Variants in EFCAB14 observed in about 807,000 individuals in gnomAD.
EFCAB14 encodes the protein EF-hand calcium-binding domain-containing protein 14.
In EFCAB14, 43 loss-of-function variants were observed where a neutral mutation model predicts 56.5. The ratio of observed to expected loss-of-function variants is 0.76; its 90% CI spans 0.60 to 0.98. The LOEUF (loss-of-function observed/expected upper bound fraction) is 0.98, where lower values mean the gene tolerates loss of function less well. Ranked by LOEUF, EFCAB14 falls within the 50% of genes least tolerant of loss-of-function variation. EFCAB14 has a pLI of 0.00. For synonymous variants in EFCAB14, 235 were observed against 212.9 expected (o/e 1.10, Z -0.90); for missense variants, 538 against 580.3 (o/e 0.93, Z 0.75).
chr1:46,702,965 C>T (rs556655496), intron 3 of EFCAB14, among the ~76,000 whole-genome samples: 55 of 152,292 alleles, frequency 3.6e-4, no homozygotes, highest in African/African-American at 1.3e-3. Context: ...TGTTTTCATT[C>T]ATCTATACTT....
At chr1:46,700,266 T>C (rs566060893) in intron 3 of EFCAB14, among the ~76,000 whole-genome samples, 36 of 152,358 alleles carry the variant, frequency 2.4e-4, no homozygotes, top group African/African-American at 7.9e-4. Flanking sequence ...CTTAGCATAG[T>C]ACCTGGTACA....
chr1:46,715,033 AATG>A (rs1404156511), intron 2 of EFCAB14, among the ~76,000 whole-genome samples: 1 of 152,184 alleles, frequency 6.6e-6, no homozygotes, highest in African/African-American at 2.4e-5. Context: ...AAAACTTTAA[AATG>A]ATAACACTCA....
intron 3 of EFCAB14, among the ~76,000 whole-genome samples, chr1:46,698,051 C>G (rs1303498970): frequency 6.6e-6 from 1 of 152,058 alleles, no homozygotes; most frequent in Non-Finnish European, 1.5e-5. Context: ...AGGGGTTTCG[C>G]CATGTTGGCC....
At chr1:46,690,152 A>T (rs1052512845) in intron 5 of EFCAB14, among the ~76,000 whole-genome samples, 2 of 152,184 alleles carry the variant, frequency 1.3e-5, no homozygotes, top group African/African-American at 4.8e-5. Context: ...CATAACCACC[A>T]ATCATGTGCA....
chr1:46,684,647 C>A (rs746062714), intron 8 of EFCAB14, 45 bp from the exon 9 acceptor site: 28 of 1,506,538 alleles, frequency 1.9e-5, no homozygotes, highest in Non-Finnish European at 2.3e-5. Context: ...GGTAGTAAGA[C>A]TTCATCTAAG....
In EFCAB14 at chr1:46,689,653, C is replaced by A; in HGVS notation, c.729G>T (p.Gln243His). ...ATGTGGCTGAAGGTGACGGAATGATCTGGTTGCTTCCAGGAGTCTCCTTCA... is the reference window on the plus strand; with the variant it reads ...ATGTGGCTGAAGGTGACGGAATGATATGGTTGCTTCCAGGAGTCTCCTTCA... ...HFLKETPGSN[Q>H]IIPSPSATSE... is the part of the protein sequence containing the mutation. The change falls in exon 6 of 11, where the codon CAG becomes CAT. Residue 243 changes from glutamine to histidine, a missense_variant. Coordinates refer to ENST00000371933, the MANE Select transcript of EFCAB14 (RefSeq NM_014774.3). The A allele has an allele frequency of 6.2e-7, 1 of 1,613,896 alleles. No homozygotes were observed.
At chr1:46,704,631 T>C (rs1418542908) in intron 3 of EFCAB14, among the ~76,000 whole-genome samples, 2 of 152,190 alleles carry the variant, frequency 1.3e-5, no homozygotes, top group Non-Finnish European at 2.9e-5. Flanking sequence ...CAGCCCCTGT[T>C]GTTTTTAAGT....
At chr1:46,707,085 T>A (rs900048999) in intron 3 of EFCAB14, among the ~76,000 whole-genome samples, 2 of 152,210 alleles carry the variant, frequency 1.3e-5, no homozygotes, top group Non-Finnish European at 2.9e-5. Flanking sequence ...ACAGCACTCC[T>A]TGTCACTACT....
chr1:46,702,590 G>A (rs1158852341), intron 3 of EFCAB14, among the ~76,000 whole-genome samples: 1 of 152,202 alleles, frequency 6.6e-6, no homozygotes, highest in East Asian at 1.9e-4. Flanking sequence ...GACTGTAGAA[G>A]CCAAGAAAGG....
intron 3 of EFCAB14, among the ~76,000 whole-genome samples, chr1:46,700,399 T>C (rs17102445): frequency 0.012 from 1,802 of 152,302 alleles, 33 homozygotes; most frequent in African/African-American, 0.042. Context: ...TCTGTTCATT[T>C]AAAAACAAGA....
In EFCAB14 at chr1:46,696,617, G is replaced by C; in HGVS notation, c.513C>G (p.Leu171=). Residue 171 remains leucine, a synonymous_variant, in exon 4 of 11, where the codon CTC becomes CTG. Coordinates refer to ENST00000371933, the MANE Select transcript of EFCAB14 (RefSeq NM_014774.3). ...CTGCAGCTGACTTAACATTGGCTTT[G>C]AGGTGGTTCACTGCAGAAGTCAACA... ...ISLLTSAVNH[L]KANVKSAADL... is the part of the protein sequence containing the mutation. 2 of 1,613,664 alleles carry C rather than the reference G, an allele frequency of 1.2e-6. No homozygotes were observed. The highest frequency in any genetic ancestry group is 1.7e-6 in the Non-Finnish European group (2 of 1,179,682).
chr1:46,714,155 A>G (rs1677351385), intron 2 of EFCAB14, among the ~76,000 whole-genome samples: 1 of 152,148 alleles, frequency 6.6e-6, no homozygotes, highest in Non-Finnish European at 1.5e-5. Context: ...TCAAAACTTG[A>G]GTAACTGTAG....
At chr1:46,697,855 T>TC (rs199718076) in intron 3 of EFCAB14, among the ~76,000 whole-genome samples, 30,402 of 106,744 alleles carry the variant, frequency 0.28, 3,314 homozygotes, top group East Asian at 0.51. Flanking sequence ...TCTCTCTCTC[T>TC]TTTTTTTTTT....
At chr1:46,709,332 C>T (rs573879906) in intron 2 of EFCAB14, among the ~76,000 whole-genome samples, 1 of 152,222 alleles carries the variant, frequency 6.6e-6, no homozygotes, top group Non-Finnish European at 1.5e-5. Context: ...GACCCTTGCA[C>T]ATGCTATGGT....
intron 3 of EFCAB14, among the ~76,000 whole-genome samples, chr1:46,705,470 G>T (rs1486870687): frequency 6.6e-6 from 1 of 152,186 alleles, no homozygotes; most frequent in East Asian, 1.9e-4. Flanking sequence ...ACTCCTGGCT[G>T]GGGCCACTGT....
intron 3 of EFCAB14, among the ~76,000 whole-genome samples, chr1:46,698,283 CA>C (rs1034277916): frequency 1.3e-5 from 2 of 152,084 alleles, no homozygotes; most frequent in Non-Finnish European, 2.9e-5. Flanking sequence ...TTTTAGAAGG[CA>C]AAAGTTCAGA....
chr1:46,715,110 G>A (rs1475827202), intron 2 of EFCAB14, among the ~76,000 whole-genome samples: 1 of 152,188 alleles, frequency 6.6e-6, no homozygotes, highest in South Asian at 2.1e-4. Flanking sequence ...CACAGCTAAG[G>A]AGAGAAATCT....
At chr1:46,703,371 G>A (rs553302111) in intron 3 of EFCAB14, among the ~76,000 whole-genome samples, 2 of 152,304 alleles carry the variant, frequency 1.3e-5, no homozygotes, top group Non-Finnish European at 2.9e-5. Flanking sequence ...GCCTCCCAAA[G>A]TGCTGGGATT....
chr1:46,710,660 C>T (rs1677294965), intron 2 of EFCAB14, among the ~76,000 whole-genome samples: 1 of 152,134 alleles, frequency 6.6e-6, no homozygotes, highest in Non-Finnish European at 1.5e-5. Context: ...CTCAGGCGAT[C>T]CTTCTGCCTC....
Sources: gnomAD v4.1 joint callset for allele counts (sites outside exome capture counted in the v4.1 genomes callset) on GRCh38, gnomAD v4.1.1 for gene constraint, MANE v1.5 for transcripts, NCBI Gene and HGNC (gene_info 2026-07-23, HGNC 2026-07-21) for gene names.